The following NUCKS1 variants were observed in gnomAD, a reference collection of about 807,000 sequenced individuals.
NUCKS1 encodes nuclear casein kinase and cyclin dependent kinase substrate 1.
In NUCKS1, 2 loss-of-function variants were observed where a neutral mutation model predicts 33.0. That is an observed-to-expected ratio of 0.06 (90% CI 0.02 to 0.19). The LOEUF is 0.19. Among genes scored for constraint, NUCKS1 ranks in the 10% least tolerant of loss-of-function variants. NUCKS1 has a pLI of 1.00. For synonymous variants in NUCKS1, 106 were observed against 102.8 expected (o/e 1.03, Z -0.19); for missense variants, 201 against 293.6 (o/e 0.68, Z 2.31).
At position 205,717,442 on chromosome 1, in the gene NUCKS1, A is replaced by G. The variant is rs1264874655; in HGVS notation, c.*838T>C. The G allele has an allele frequency of 3.8e-5, 37 of 982,992 alleles. No homozygotes were observed. Among genetic ancestry groups the G allele is most frequent in the African/African-American group, 7.1e-5 (4 of 56,640 alleles). The allele number at this position is 982,992 out of a possible 1,614,324, so 60.9% of individuals were successfully genotyped here. Reference sequence around the variant, plus strand: ...GGTAAAATTTTATCCAAAAAACAGGATACATATATATTTAGAGAAGGAAAT... The same window carrying G: ...GGTAAAATTTTATCCAAAAAACAGGGTACATATATATTTAGAGAAGGAAAT... On this transcript the variant is annotated 3_prime_UTR_variant, in exon 7 of 7. Coordinates refer to ENST00000367142, the MANE Select transcript of NUCKS1 (RefSeq NM_022731.5).
chr1:205,746,548 T>C (rs972643581), intron 1 of NUCKS1, among the ~76,000 whole-genome samples: 5 of 152,080 alleles, frequency 3.3e-5, no homozygotes, highest in African/African-American at 4.8e-5. Context: ...TGTCTTCATG[T>C]GCACATTTGG....
chr1:205,718,838 G>A (rs1671873753), intron 6 of NUCKS1, among the ~76,000 whole-genome samples: 1 of 152,172 alleles, frequency 6.6e-6, no homozygotes, highest in Admixed American at 6.5e-5. Flanking sequence ...TAAAAAGCAG[G>A]TCAAAAAGAC....
chr1:205,730,559 G>A (rs1471462611), intron 1 of NUCKS1, among the ~76,000 whole-genome samples: 3 of 151,582 alleles, frequency 2.0e-5, no homozygotes, highest in Non-Finnish European at 4.4e-5. Context: ...CGAGATCTTG[G>A]CTCACTGCAA....
At chr1:205,733,517 T>C (rs765129622) in intron 1 of NUCKS1, among the ~76,000 whole-genome samples, 11 of 152,114 alleles carry the variant, frequency 7.2e-5, no homozygotes, top group Non-Finnish European at 1.2e-4. Context: ...GTCAAGAAAA[T>C]CATGTAATTT....
intron 2 of NUCKS1, among the ~76,000 whole-genome samples, chr1:205,728,027 T>C (rs1350321272): frequency 6.6e-6 from 1 of 152,144 alleles, no homozygotes; most frequent in Non-Finnish European, 1.5e-5. Flanking sequence ...TGATATATAT[T>C]TCATCTTTCT....
intron 4 of NUCKS1, among the ~76,000 whole-genome samples, chr1:205,722,238 G>T (rs1416169947): frequency 6.6e-6 from 1 of 151,924 alleles, no homozygotes; most frequent in African/African-American, 2.4e-5. Context: ...GCCATGCCCG[G>T]CTAATTTCTT....
intron 3 of NUCKS1, 56 bp from the exon 4 acceptor site, chr1:205,724,037 G>GA: frequency 8.3e-7 from 1 of 1,207,662 alleles, no homozygotes; most frequent in Non-Finnish European, 1.2e-6. Context: ...AAATCTAAGT[G>GA]AACATAGATC....
chr1:205,744,269 CATCTCTTA>C (rs1654255845), intron 1 of NUCKS1, among the ~76,000 whole-genome samples: 1 of 152,220 alleles, frequency 6.6e-6, no homozygotes, highest in Non-Finnish European at 1.5e-5. Flanking sequence ...ATTCCTGCTT[CATCTCTTA>C]ATAGTTAGGT....
Position 205,717,447 on chromosome 1 carries a change from T to C in NUCKS1, c.*833A>G. 2 of 983,554 alleles carry C rather than the reference T, an allele frequency of 2.0e-6. No individual in the cohort carries two copies. The highest frequency in any genetic ancestry group is 2.4e-6 in the Non-Finnish European group (2 of 827,970). 60.9% of individuals were successfully genotyped at this position (983,554 alleles called of 1,614,324 possible). On this transcript the variant is annotated 3_prime_UTR_variant, in exon 7 of 7. Coordinates refer to ENST00000367142, the MANE Select transcript of NUCKS1 (RefSeq NM_022731.5). ...AATTTTATCCAAAAAACAGGATACA[T>C]ATATATTTAGAGAAGGAAATATGAA...
Position 205,718,098 on chromosome 1 carries a change from AAAAAAAG to A in NUCKS1, c.*175_*181del. ...AATGGTTTGCTTTAAAAAAAAAAAAAAAAAAAGAGAGAGAGAGAGAAATGTTACTTTC... is the reference window on the plus strand; with the variant it reads ...AATGGTTTGCTTTAAAAAAAAAAAAAAGAGAGAGAGAGAAATGTTACTTTC... On this transcript the variant is annotated 3_prime_UTR_variant, in exon 7 of 7. Coordinates refer to ENST00000367142, the MANE Select transcript of NUCKS1 (RefSeq NM_022731.5). 1 of 1,244,646 alleles carries A rather than the reference AAAAAAAG, an allele frequency of 8.0e-7. No homozygotes were observed. Among genetic ancestry groups the A allele is most frequent in the Non-Finnish European group, 1.0e-6 (1 of 997,194 alleles). 77.1% of individuals were successfully genotyped at this position (1,244,646 alleles called of 1,614,324 possible). A position where few individuals can be genotyped will look rare whatever the true frequency, so the allele number is the denominator to read the frequency against.
intron 1 of NUCKS1, among the ~76,000 whole-genome samples, chr1:205,733,126 T>G (rs1013751892): frequency 6.6e-6 from 1 of 152,182 alleles, no homozygotes; most frequent in African/African-American, 2.4e-5. Flanking sequence ...AATTCTAGCT[T>G]ATCCCATGCT....
At chr1:205,745,056 C>A (rs532940917) in intron 1 of NUCKS1, among the ~76,000 whole-genome samples, 137 of 152,290 alleles carry the variant, frequency 9.0e-4, no homozygotes, top group African/African-American at 2.8e-3. Context: ...AAATTTTAAA[C>A]CACATATGGC....
chr1:205,748,372 G>T (rs1263276371), intron 1 of NUCKS1, among the ~76,000 whole-genome samples: 3 of 152,126 alleles, frequency 2.0e-5, no homozygotes, highest in Admixed American at 6.5e-5. Context: ...ACTTCCAGAA[G>T]ACAAAAGATC....
Position 205,750,178 on chromosome 1 carries a change from T to C in NUCKS1, c.-205A>G. Reference sequence around the variant, plus strand: ...CCCCCGCTCCCCCGTCTCTTCAAAATGGATGAATCAAACCAGCCGAAAATG... The same window carrying C: ...CCCCCGCTCCCCCGTCTCTTCAAAACGGATGAATCAAACCAGCCGAAAATG... On this transcript the variant is annotated 5_prime_UTR_variant, in exon 1 of 7. Transcript: ENST00000367142. 1 of 576,818 alleles carries C rather than the reference T, an allele frequency of 1.7e-6. No homozygotes were observed. Among genetic ancestry groups the C allele is most frequent in the Non-Finnish European group, 3.1e-6 (1 of 321,006 alleles). 35.7% of individuals were successfully genotyped at this position (576,818 alleles called of 1,614,324 possible).
At chr1:205,736,546 C>T (rs1023893462) in intron 1 of NUCKS1, among the ~76,000 whole-genome samples, 1 of 151,892 alleles carries the variant, frequency 6.6e-6, no homozygotes, top group South Asian at 2.1e-4. Flanking sequence ...CAGTAATTGC[C>T]AGGTGTGGTG....
intron 1 of NUCKS1, among the ~76,000 whole-genome samples, chr1:205,746,455 A>T (rs1246764224): frequency 2.3e-3 from 172 of 75,484 alleles, no homozygotes; most frequent in Middle Eastern, 0.014. Flanking sequence ...TCTCTCTCTC[A>T]CACACACACA....
chr1:205,736,235 A>C (rs531700171), intron 1 of NUCKS1, among the ~76,000 whole-genome samples: 8 of 152,198 alleles, frequency 5.3e-5, no homozygotes, highest in Non-Finnish European at 1.2e-4. Flanking sequence ...TACAAGCATG[A>C]GCCACCACAT....
At chr1:205,743,376 G>T (rs1052386072) in intron 1 of NUCKS1, among the ~76,000 whole-genome samples, 16 of 152,132 alleles carry the variant, frequency 1.1e-4, no homozygotes, top group Non-Finnish European at 2.1e-4. Context: ...GCTGAAATCC[G>T]TTTCCTGATA....
At chr1:205,737,301 T>C (rs954511823) in intron 1 of NUCKS1, among the ~76,000 whole-genome samples, 1 of 152,208 alleles carries the variant, frequency 6.6e-6, no homozygotes, top group Non-Finnish European at 1.5e-5. Context: ...AAAACCTCCT[T>C]TTCCATAATC....
Sources: gnomAD v4.1 joint callset for allele counts (sites outside exome capture counted in the v4.1 genomes callset) on GRCh38, gnomAD v4.1.1 for gene constraint, MANE v1.5 for transcripts, NCBI Gene and HGNC (gene_info 2026-07-23, HGNC 2026-07-21) for gene names.